DMRT1: variants seen among roughly 807,000 people sequenced by gnomAD.
DMRT1 encodes the protein doublesex and mab-3 related transcription factor 1.
A neutral mutation model predicts 32.3 loss-of-function variants in DMRT1; 7 were observed. The observed-to-expected ratio is 0.22, with a 90% confidence interval of 0.12 to 0.41. DMRT1 has a LOEUF of 0.41. Among genes scored for constraint, DMRT1 ranks in the 10% least tolerant of loss-of-function variants. The pLI, the probability that DMRT1 is intolerant of heterozygous loss-of-function variation, is 1.00. For missense variants in DMRT1, 625 were observed against 500.5 expected (o/e 1.25, Z -2.37); for synonymous variants, 278 against 206.1 (o/e 1.35, Z -2.99).
intron 3 of DMRT1, among the ~76,000 whole-genome samples, chr9:898,363 G>T (rs547251216): frequency 6.6e-6 from 1 of 152,068 alleles, no homozygotes; most frequent in South Asian, 2.1e-4. Context: ...CAAGTGATCC[G>T]CCCACTCGGC....
chr9:959,188 C>T (rs527925896), intron 4 of DMRT1, among the ~76,000 whole-genome samples: 5 of 151,992 alleles, frequency 3.3e-5, no homozygotes, highest in Admixed American at 6.5e-5. Context: ...CCCAGCCTGC[C>T]TTCGTTACTG....
At chr9:899,642 C>A (rs1451239110) in intron 3 of DMRT1, among the ~76,000 whole-genome samples, 1 of 152,210 alleles carries the variant, frequency 6.6e-6, no homozygotes, top group African/African-American at 2.4e-5. Context: ...TTCCGCTGAC[C>A]AGCAGCTCAA....
chr9:848,763 C>T (rs1589444339), intron 2 of DMRT1, among the ~76,000 whole-genome samples: 1 of 148,662 alleles, frequency 6.7e-6, no homozygotes, highest in East Asian at 2.0e-4. Context: ...CCATGTTGGC[C>T]AGGCTGGCCT....
At chr9:851,539 T>TTA (rs1367290499) in intron 2 of DMRT1, among the ~76,000 whole-genome samples, 2 of 152,044 alleles carry the variant, frequency 1.3e-5, no homozygotes, top group Non-Finnish European at 2.9e-5. Flanking sequence ...CATCTGGCCT[T>TTA]AGTAGAATTT....
At chr9:909,722 GTT>G (rs5895877) in intron 3 of DMRT1, among the ~76,000 whole-genome samples, 6,304 of 151,706 alleles carry the variant, frequency 0.042, 335 homozygotes, top group East Asian at 0.17. Flanking sequence ...TTTTGTTTCT[GTT>G]TTTTTTTGAA....
intron 2 of DMRT1, among the ~76,000 whole-genome samples, chr9:855,192 T>C (rs922368911): frequency 2.6e-5 from 4 of 152,268 alleles, no homozygotes; most frequent in African/African-American, 9.6e-5. Context: ...CTGTGGATAG[T>C]ATTTTAATAA....
intron 2 of DMRT1, among the ~76,000 whole-genome samples, chr9:893,615 A>T (rs540389555): frequency 6.6e-6 from 1 of 152,376 alleles, no homozygotes; most frequent in African/African-American, 2.4e-5. Context: ...TGACATTAGG[A>T]TAGGAATTTC....
intron 3 of DMRT1, among the ~76,000 whole-genome samples, chr9:897,613 A>T (rs1564233620): frequency 6.6e-6 from 1 of 151,984 alleles, no homozygotes; most frequent in African/African-American, 2.4e-5. Context: ...AACAAAATTA[A>T]GTAGATTTTG....
intron 4 of DMRT1, among the ~76,000 whole-genome samples, chr9:921,298 C>T (rs1336471734): frequency 6.6e-6 from 1 of 152,226 alleles, no homozygotes; most frequent in Non-Finnish European, 1.5e-5. Context: ...GATTCAGCTA[C>T]ACTGTCGTAT....
intron 3 of DMRT1, among the ~76,000 whole-genome samples, chr9:896,741 A>C (rs896593945): frequency 3.3e-5 from 5 of 151,658 alleles, no homozygotes; most frequent in African/African-American, 1.2e-4. Flanking sequence ...TGAACCCGGG[A>C]GGTGGAGGTT....
At chr9:851,604 TGAA>T (rs1229719267) in intron 2 of DMRT1, among the ~76,000 whole-genome samples, 5 of 152,012 alleles carry the variant, frequency 3.3e-5, no homozygotes, top group Non-Finnish European at 4.4e-5. Flanking sequence ...GGGCCAAAAG[TGAA>T]GAAGAGAAAT....
intron 4 of DMRT1, among the ~76,000 whole-genome samples, chr9:934,325 A>G (rs1818818031): frequency 6.6e-6 from 1 of 152,114 alleles, no homozygotes; most frequent in Non-Finnish European, 1.5e-5. Flanking sequence ...GATGAAGCCC[A>G]GTTTGTTTTG....
At chr9:885,607 C>T (rs1323111834) in intron 2 of DMRT1, among the ~76,000 whole-genome samples, 1 of 152,150 alleles carries the variant, frequency 6.6e-6, no homozygotes, top group Non-Finnish European at 1.5e-5. Context: ...CGTCTCAATG[C>T]CCAGCCGCTT....
chr9:906,250 G>C (rs1406472969), intron 3 of DMRT1, among the ~76,000 whole-genome samples: 1 of 152,104 alleles, frequency 6.6e-6, no homozygotes, highest in Non-Finnish European at 1.5e-5. Flanking sequence ...ATACCAGTTT[G>C]GTAAAGGATG....
At chr9:963,038 G>C (rs1819825875) in intron 4 of DMRT1, among the ~76,000 whole-genome samples, 1 of 152,180 alleles carries the variant, frequency 6.6e-6, no homozygotes, top group Non-Finnish European at 1.5e-5. Flanking sequence ...AATTTAGAGG[G>C]AAAGAGGTAA....
chr9:966,453 A>G (rs1290084426), intron 4 of DMRT1, among the ~76,000 whole-genome samples: 1 of 152,222 alleles, frequency 6.6e-6, no homozygotes, highest in African/African-American at 2.4e-5. Flanking sequence ...AAAAGTAACC[A>G]CTTGTCAGGA....
intron 2 of DMRT1, among the ~76,000 whole-genome samples, chr9:884,507 C>G (rs1309230631): frequency 3.3e-5 from 5 of 152,166 alleles, no homozygotes; most frequent in African/African-American, 1.2e-4. Context: ...TCTGCAGATG[C>G]ATCTGAGGGG....
intron 2 of DMRT1, among the ~76,000 whole-genome samples, chr9:882,934 G>A (rs1253498354): frequency 6.6e-6 from 1 of 151,562 alleles, no homozygotes; most frequent in African/African-American, 2.4e-5. Flanking sequence ...ACCATGCCCG[G>A]CTAATTTTTG....
At chr9:936,289 G>A (rs12115189) in intron 4 of DMRT1, among the ~76,000 whole-genome samples, 30,399 of 151,950 alleles carry the variant, frequency 0.2, 4,669 homozygotes, top group African/African-American at 0.43. Flanking sequence ...TTCTTGGTAG[G>A]ACATAGATAT....
Sources: gnomAD v4.1 joint callset for allele counts (sites outside exome capture counted in the v4.1 genomes callset) on GRCh38, gnomAD v4.1.1 for gene constraint, MANE v1.5 for transcripts, NCBI Gene and HGNC (gene_info 2026-07-23, HGNC 2026-07-21) for gene names.